Variants in TENM4 observed in about 807,000 individuals in gnomAD.
TENM4 encodes the protein teneurin transmembrane protein 4, also known as teneurin-4.
TENM4 carries 82 observed loss-of-function variants against 243.3 expected under a neutral mutation model. That is an observed-to-expected ratio of 0.34 (90% CI 0.28 to 0.40). The LOEUF is 0.40. Among genes scored for constraint, TENM4 ranks in the 10% least tolerant of loss-of-function variants. TENM4 has a pLI of 1.00. For missense variants in TENM4, 3,138 were observed against 3,673.3 expected (o/e 0.85, Z 3.77); for synonymous variants, 1,412 against 1,456.3 (o/e 0.97, Z 0.69).
chr11:79,403,621 C>G (rs1280817342), intron 1 of TENM4, among the ~76,000 whole-genome samples: 2 of 152,094 alleles, frequency 1.3e-5, no homozygotes, highest in Non-Finnish European at 2.9e-5. Flanking sequence ...TGCCAGTGCC[C>G]AAGAGGTAGC....
rs1307106702 is a variant in TENM4, at chr11:78,832,049, A to AT, written c.1682-17655dup. Among the ~76,000 whole-genome samples, 2 of 152,252 alleles carry AT rather than the reference A, an allele frequency of 1.3e-5. 1 individual carries two copies. The highest frequency in any genetic ancestry group is 2.9e-5 in the Non-Finnish European group (2 of 68,050). On this transcript the variant is annotated intron_variant, in intron 12 of 33. Coordinates refer to ENST00000278550, the MANE Select transcript of TENM4 (RefSeq NM_001098816.3). ...TTAATCCTTCCAAGGCTCAGGGAGG[A>AT]TAACTGATGTTCTCAAGGTCTCACA...
At chr11:78,815,639 C>T (rs1348657715) in intron 12 of TENM4, among the ~76,000 whole-genome samples, 1 of 152,214 alleles carries the variant, frequency 6.6e-6, no homozygotes, top group Non-Finnish European at 1.5e-5. Context: ...TGGAACAGCT[C>T]ATTTCTCAAT....
At chr11:78,905,448 T>G (rs1389906099) in intron 6 of TENM4, among the ~76,000 whole-genome samples, 1 of 152,158 alleles carries the variant, frequency 6.6e-6, no homozygotes, top group East Asian at 1.9e-4. Flanking sequence ...CCCCTCTAAG[T>G]GGATCACTTC....
intron 3 of TENM4, among the ~76,000 whole-genome samples, chr11:79,212,406 A>G (rs774300542): frequency 6.6e-6 from 1 of 152,132 alleles, no homozygotes; most frequent in African/African-American, 2.4e-5. Flanking sequence ...TGGTCCTGAG[A>G]ATCTCTTTTT....
At chr11:78,921,592 G>C (rs774611132) in intron 6 of TENM4, among the ~76,000 whole-genome samples, 3 of 152,188 alleles carry the variant, frequency 2.0e-5, no homozygotes, top group Non-Finnish European at 2.9e-5. Context: ...AAAGCAACCA[G>C]GCTCCCTGGG....
chr11:79,310,298 T>G (rs1053824187), intron 1 of TENM4, among the ~76,000 whole-genome samples: 1 of 152,166 alleles, frequency 6.6e-6, no homozygotes, highest in Non-Finnish European at 1.5e-5. Flanking sequence ...ATCTTGATAT[T>G]AAGTTAACAT....
At chr11:79,390,502 T>C (rs1858209570) in intron 1 of TENM4, among the ~76,000 whole-genome samples, 1 of 152,176 alleles carries the variant, frequency 6.6e-6, no homozygotes, top group Non-Finnish European at 1.5e-5. Context: ...TATCACCCAC[T>C]ATAACAGTCA....
At chr11:78,771,958 C>T (rs58453102) in intron 17 of TENM4, among the ~76,000 whole-genome samples, 15,114 of 152,048 alleles carry the variant, frequency 0.099, 2,271 homozygotes, top group African/African-American at 0.33. Context: ...GAATAAGACC[C>T]GTTCTTATTC....
chr11:79,309,724 C>T (rs1487139700), intron 1 of TENM4, among the ~76,000 whole-genome samples: 1 of 152,160 alleles, frequency 6.6e-6, no homozygotes, highest in Non-Finnish European at 1.5e-5. Flanking sequence ...AAGGGGCCCT[C>T]ATTTGGAGGA....
intron 13 of TENM4, 52 bp downstream of exon 13, chr11:78,814,242 G>T: frequency 6.6e-7 from 1 of 1,513,032 alleles, no homozygotes; most frequent in South Asian, 1.2e-5. Context: ...GAAGTGAGCT[G>T]CCTGAGGGGT....
At chr11:78,772,738 C>T (rs1306878431) in intron 17 of TENM4, among the ~76,000 whole-genome samples, 1 of 151,922 alleles carries the variant, frequency 6.6e-6, no homozygotes, top group African/African-American at 2.4e-5. Flanking sequence ...TGTTTATTTC[C>T]ACTTGAGATG....
chr11:78,975,986 G>C (rs888726620), intron 6 of TENM4, among the ~76,000 whole-genome samples: 1 of 152,144 alleles, frequency 6.6e-6, no homozygotes, highest in Admixed American at 6.5e-5. Context: ...TCACCCAGCC[G>C]GTGGGTACCA....
intron 6 of TENM4, among the ~76,000 whole-genome samples, chr11:79,015,632 C>T (rs1247165731): frequency 1.3e-5 from 2 of 152,072 alleles, no homozygotes; most frequent in South Asian, 2.1e-4. Flanking sequence ...ATGGAAGAAC[C>T]AGAGAAAGGC....
chr11:78,684,676 A>G (rs747153793), intron 29 of TENM4, among the ~76,000 whole-genome samples: 1 of 152,214 alleles, frequency 6.6e-6, no homozygotes, highest in African/African-American at 2.4e-5. Context: ...CAAACACCCA[A>G]TTAGGTGTGT....
At chr11:78,667,187 A>G (rs536233607) in intron 32 of TENM4, among the ~76,000 whole-genome samples, 4 of 152,248 alleles carry the variant, frequency 2.6e-5, no homozygotes, top group African/African-American at 9.6e-5. Context: ...CATAGGCCCC[A>G]AGTCTGTTTT....
chr11:79,010,551 G>A (rs1190805546), intron 6 of TENM4, among the ~76,000 whole-genome samples: 1 of 152,136 alleles, frequency 6.6e-6, no homozygotes, highest in African/African-American at 2.4e-5. Flanking sequence ...CACATGGCTG[G>A]GGAGGCCTCA....
At chr11:79,098,833 C>T (rs963571943) in intron 4 of TENM4, among the ~76,000 whole-genome samples, 10 of 152,118 alleles carry the variant, frequency 6.6e-5, no homozygotes, top group African/African-American at 2.2e-4. Flanking sequence ...GTGAAAGGAA[C>T]GTGGTATTGC....
intron 12 of TENM4, among the ~76,000 whole-genome samples, chr11:78,844,644 A>G (rs1858345454): frequency 6.6e-6 from 1 of 152,044 alleles, no homozygotes; most frequent in Admixed American, 6.6e-5. Context: ...CTGTCTAAAA[A>G]AAAAAAAAGG....
intron 32 of TENM4, among the ~76,000 whole-genome samples, chr11:78,667,567 C>A (rs1410139120): frequency 6.6e-6 from 1 of 152,150 alleles, no homozygotes; most frequent in Admixed American, 6.5e-5. Flanking sequence ...ATGCTCTGGG[C>A]AGAGCAGGTG....
Sources: gnomAD v4.1 joint callset for allele counts (sites outside exome capture counted in the v4.1 genomes callset) on GRCh38, gnomAD v4.1.1 for gene constraint, MANE v1.5 for transcripts, NCBI Gene and HGNC (gene_info 2026-07-23, HGNC 2026-07-21) for gene names.